Variants in SPIRE1 observed in about 807,000 individuals in gnomAD.
The protein encoded by SPIRE1 is spire type actin nucleation factor 1.
SPIRE1 carries 40 observed loss-of-function variants against 94.1 expected under a neutral mutation model. That is an observed-to-expected ratio of 0.43 (90% CI 0.33 to 0.55). SPIRE1 has a LOEUF of 0.55. Ranked by LOEUF, SPIRE1 falls within the 20% of genes least tolerant of loss-of-function variation. SPIRE1 has a pLI of 0.06. For missense variants in SPIRE1, 838 were observed against 975.2 expected (o/e 0.86, Z 1.87); for synonymous variants, 376 against 371.7 (o/e 1.01, Z -0.13).
chr18:12,457,699 GT>G (rs11313025), intron 12 of SPIRE1, among the ~76,000 whole-genome samples: 122,280 of 148,496 alleles, frequency 0.82, 52,115 homozygotes, highest in Non-Finnish European at 0.95. Flanking sequence ...AAATTGTTGA[GT>G]TTTTTTTTTT....
chr18:12,581,769 C>T (rs527849188), intron 2 of SPIRE1, among the ~76,000 whole-genome samples: 54 of 152,040 alleles, frequency 3.6e-4, no homozygotes, highest in Non-Finnish European at 6.2e-4. Context: ...GAGGCTGAGG[C>T]ATGAGAATCG....
intron 10 of SPIRE1, among the ~76,000 whole-genome samples, chr18:12,466,426 G>A (rs1379120892): frequency 2.0e-5 from 3 of 151,958 alleles, no homozygotes; most frequent in African/African-American, 4.8e-5. Flanking sequence ...ACAGGTGAGT[G>A]CCACCACGCC....
chr18:12,584,290 C>T (rs2144551287), intron 2 of SPIRE1, among the ~76,000 whole-genome samples: 2 of 152,062 alleles, frequency 1.3e-5, no homozygotes, highest in African/African-American at 4.8e-5. Flanking sequence ...ATTAGCCGGG[C>T]ATGGTGGTGC....
intron 2 of SPIRE1, among the ~76,000 whole-genome samples, chr18:12,581,160 C>T (rs1468115386): frequency 6.6e-6 from 1 of 152,104 alleles, no homozygotes; most frequent in Non-Finnish European, 1.5e-5. Context: ...ACAGGTGAGA[C>T]CGGCAATCCC....
At chr18:12,491,522 T>C (rs1262641750) in intron 8 of SPIRE1, among the ~76,000 whole-genome samples, 1 of 152,002 alleles carries the variant, frequency 6.6e-6, no homozygotes, top group Non-Finnish European at 1.5e-5. Flanking sequence ...TTTCTTTCCA[T>C]GGAATCTTGG....
At chr18:12,637,316 G>A (rs1382264096) in intron 1 of SPIRE1, among the ~76,000 whole-genome samples, 2 of 148,112 alleles carry the variant, frequency 1.4e-5, no homozygotes, top group Admixed American at 1.4e-4. Context: ...CCGAGATTGC[G>A]CCGGTGCACT....
chr18:12,492,075 G>A (rs58964661), intron 8 of SPIRE1, among the ~76,000 whole-genome samples: 25,865 of 152,108 alleles, frequency 0.17, 2,461 homozygotes, highest in African/African-American at 0.25. Flanking sequence ...CAGACAGCTG[G>A]ACGTATGAGT....
At chr18:12,577,325 T>G (rs780013876) in intron 2 of SPIRE1, among the ~76,000 whole-genome samples, 31 of 151,892 alleles carry the variant, frequency 2.0e-4, no homozygotes, top group Non-Finnish European at 3.2e-4. Flanking sequence ...TTTTTTTGTA[T>G]TTTAGTAGAG....
At chr18:12,506,410 C>T (rs1166857929) in intron 6 of SPIRE1, 67 bp downstream of exon 6, 25 of 1,424,394 alleles carry the variant, frequency 1.8e-5, no homozygotes, top group East Asian at 4.6e-5. Flanking sequence ...CCACCTGCCT[C>T]GACCTCCCAA....
chr18:12,602,568 C>T (rs1598517332), intron 2 of SPIRE1, among the ~76,000 whole-genome samples: 1 of 152,204 alleles, frequency 6.6e-6, no homozygotes, highest in Middle Eastern at 3.4e-3. Flanking sequence ...TTAAAGAAAT[C>T]AGTAACTCTG....
At chr18:12,547,712 C>T (rs910254570) in intron 2 of SPIRE1, among the ~76,000 whole-genome samples, 5 of 152,154 alleles carry the variant, frequency 3.3e-5, no homozygotes, top group African/African-American at 9.7e-5. Flanking sequence ...GAGGCTGAGG[C>T]GAGCAGATCA....
intron 16 of SPIRE1, chr18:12,450,970 C>A: frequency 3.3e-6 from 2 of 611,236 alleles, no homozygotes; most frequent in Non-Finnish European, 6.0e-6. Context: ...CTAAAGTTGC[C>A]CAGAAAAAGG....
In SPIRE1 at chr18:12,472,077, G is replaced by A. The variant is rs552405815; in HGVS notation, c.1405-7119C>T. On this transcript the variant is annotated intron_variant, in intron 10 of 16. Transcript: ENST00000409402. ...TGGGATTATAGGTGTGAGCCATTGCGCATGGCCAGTTTTCTTATATTTTAT... is the reference window on the plus strand; with the variant it reads ...TGGGATTATAGGTGTGAGCCATTGCACATGGCCAGTTTTCTTATATTTTAT... 5.3e-5 allele frequency among the ~76,000 whole-genome samples: 8 copies of A among 152,200 alleles called. No individual in the cohort carries two copies. In the East Asian group the frequency reaches 5.8e-4, roughly 11 times the overall value.
intron 4 of SPIRE1, among the ~76,000 whole-genome samples, chr18:12,533,964 C>G (rs2034765474): frequency 6.6e-6 from 1 of 151,420 alleles, no homozygotes; most frequent in Non-Finnish European, 1.5e-5. Flanking sequence ...CACACACACA[C>G]ACACAACTTA....
At chr18:12,656,033 G>C (rs2038529323) in intron 1 of SPIRE1, among the ~76,000 whole-genome samples, 1 of 152,060 alleles carries the variant, frequency 6.6e-6, no homozygotes, top group African/African-American at 2.4e-5. Flanking sequence ...CGAGTAGCTG[G>C]TATTCCAGCG....
At chr18:12,635,962 C>A (rs1400886540) in intron 1 of SPIRE1, among the ~76,000 whole-genome samples, 1 of 151,276 alleles carries the variant, frequency 6.6e-6, no homozygotes, top group East Asian at 1.9e-4. Flanking sequence ...GATTTTGGCT[C>A]ACTGCAACCA....
intron 4 of SPIRE1, among the ~76,000 whole-genome samples, chr18:12,530,226 C>T (rs1567912534): frequency 1.3e-5 from 2 of 152,144 alleles, no homozygotes; most frequent in Non-Finnish European, 2.9e-5. Context: ...TCTATATACA[C>T]TTTGCCTACA....
chr18:12,573,841 G>A (rs1223452767), intron 2 of SPIRE1, among the ~76,000 whole-genome samples: 1 of 152,052 alleles, frequency 6.6e-6, no homozygotes, highest in Middle Eastern at 3.4e-3. Context: ...CCGGGTTCAC[G>A]CCATTCTCCT....
chr18:12,584,184 C>G (rs1177243434), intron 2 of SPIRE1, among the ~76,000 whole-genome samples: 1 of 152,066 alleles, frequency 6.6e-6, no homozygotes, highest in Non-Finnish European at 1.5e-5. Context: ...AATCCCAGCA[C>G]TTTGGGAGGC....
Sources: allele counts gnomAD v4.1 joint callset (sites outside exome capture counted in the v4.1 genomes callset), GRCh38; gene constraint gnomAD v4.1.1; transcripts MANE v1.5; gene names NCBI Gene and HGNC (gene_info 2026-07-23, HGNC 2026-07-21).